Variants in ATF2 observed in about 807,000 individuals in gnomAD.
ATF2 encodes the protein activating transcription factor 2.
A neutral mutation model predicts 60.6 loss-of-function variants in ATF2; 24 were observed. The observed-to-expected ratio is 0.40, with a 90% confidence interval of 0.29 to 0.56. The LOEUF (loss-of-function observed/expected upper bound fraction) is 0.56, where lower values mean the gene tolerates loss of function less well. Ranked by LOEUF, ATF2 falls within the 20% of genes least tolerant of loss-of-function variation. The pLI, the probability that ATF2 is intolerant of heterozygous loss-of-function variation, is 0.54. For synonymous variants in ATF2, 206 were observed against 215.4 expected (o/e 0.96, Z 0.38); for missense variants, 433 against 607.7 (o/e 0.71, Z 3.02).
chr2:175,134,732 C>T (rs1698012014), intron 3 of ATF2, among the ~76,000 whole-genome samples: 1 of 151,810 alleles, frequency 6.6e-6, no homozygotes, highest in Non-Finnish European at 1.5e-5. Context: ...GACTATAATC[C>T]CAGCACTTTG....
At chr2:175,125,900 T>C (rs1337694648) in intron 4 of ATF2, among the ~76,000 whole-genome samples, 1 of 152,138 alleles carries the variant, frequency 6.6e-6, no homozygotes, top group Non-Finnish European at 1.5e-5. Context: ...ATTTTCTGCA[T>C]TGCCAAATAT....
At chr2:175,136,924 T>C (rs924810372) in intron 2 of ATF2, among the ~76,000 whole-genome samples, 3 of 146,494 alleles carry the variant, frequency 2.0e-5, no homozygotes, top group African/African-American at 5.3e-5. Flanking sequence ...CACAATGTAG[T>C]TGATCTATAT....
chr2:175,128,624 T>A (rs542621778), intron 4 of ATF2, among the ~76,000 whole-genome samples: 1 of 152,028 alleles, frequency 6.6e-6, no homozygotes. Flanking sequence ...AATACCTTCA[T>A]AATCTAAAGG....
intron 3 of ATF2, among the ~76,000 whole-genome samples, chr2:175,131,633 T>C (rs1235343946): frequency 1.3e-5 from 2 of 152,214 alleles, no homozygotes; most frequent in Non-Finnish European, 2.9e-5. Flanking sequence ...ATCCTTCTAG[T>C]GCTTCTTAAA....
intron 10 of ATF2, among the ~76,000 whole-genome samples, 185 bp downstream of exon 10, chr2:175,111,383 C>CT (rs1696174084): frequency 6.6e-6 from 1 of 152,152 alleles, no homozygotes; most frequent in African/African-American, 2.4e-5. Context: ...TTTAAAGTAT[C>CT]ACTAACTACT....
At chr2:175,131,810 C>T (rs1227743110) in intron 3 of ATF2, among the ~76,000 whole-genome samples, 1 of 152,154 alleles carries the variant, frequency 6.6e-6, no homozygotes, top group Non-Finnish European at 1.5e-5. Flanking sequence ...AAAATTTAGG[C>T]TCCCAAAGAA....
chr2:175,108,219 G>C (rs1695852158), intron 10 of ATF2, among the ~76,000 whole-genome samples: 1 of 149,864 alleles, frequency 6.7e-6, no homozygotes, highest in South Asian at 2.1e-4. Context: ...CCGCCCGGCA[G>C]CCGCCCCATC....
At chr2:175,104,473 G>C (rs909698323) in intron 10 of ATF2, among the ~76,000 whole-genome samples, 15 of 152,000 alleles carry the variant, frequency 9.9e-5, no homozygotes, top group African/African-American at 3.6e-4. Flanking sequence ...AGGGTGGGGG[G>C]GGCGGTGCGC....
intron 3 of ATF2, among the ~76,000 whole-genome samples, chr2:175,135,206 C>T (rs1197852908): frequency 3.3e-5 from 5 of 151,934 alleles, no homozygotes; most frequent in Non-Finnish European, 5.9e-5. Context: ...ATTTTTAAAA[C>T]CATTAGGAGA....
chr2:175,158,522 T>C (rs1390143748), intron 1 of ATF2, among the ~76,000 whole-genome samples: 3 of 152,150 alleles, frequency 2.0e-5, no homozygotes, highest in Non-Finnish European at 4.4e-5. Flanking sequence ...ATATTTTAAA[T>C]GGATAATTTA....
chr2:175,094,898 G>A (rs12994733), intron 11 of ATF2, among the ~76,000 whole-genome samples: 10,619 of 152,054 alleles, frequency 0.07, 376 homozygotes, highest in East Asian at 0.13. Flanking sequence ...AGCCATGATC[G>A]CACCACTGTA....
chr2:175,089,879 T>C (rs777321407), intron 12 of ATF2, among the ~76,000 whole-genome samples: 1 of 152,220 alleles, frequency 6.6e-6, no homozygotes, highest in South Asian at 2.1e-4. Context: ...ATGCTACCTA[T>C]ACTTACGGAG....
intron 2 of ATF2, among the ~76,000 whole-genome samples, chr2:175,144,608 T>A (rs898945926): frequency 1.3e-5 from 2 of 152,200 alleles, no homozygotes; most frequent in South Asian, 2.1e-4. Flanking sequence ...TCAGACAGGC[T>A]ACCTGAGGGC....
At chr2:175,103,955 T>C (rs1482954153) in intron 10 of ATF2, among the ~76,000 whole-genome samples, 1 of 152,100 alleles carries the variant, frequency 6.6e-6, no homozygotes, top group Non-Finnish European at 1.5e-5. Flanking sequence ...TAGTCTTTCA[T>C]TTTTCGGTCC....
At chr2:175,109,282 G>A (rs1024124063) in intron 10 of ATF2, among the ~76,000 whole-genome samples, 6 of 151,660 alleles carry the variant, frequency 4.0e-5, no homozygotes, top group African/African-American at 1.5e-4. Flanking sequence ...AGAAATTGTG[G>A]TATATTCACA....
chr2:175,088,468 A>G (rs1236734349), intron 12 of ATF2, among the ~76,000 whole-genome samples: 1 of 152,142 alleles, frequency 6.6e-6, no homozygotes. Flanking sequence ...TTAACTTATG[A>G]GTAAATAATT....
intron 10 of ATF2, among the ~76,000 whole-genome samples, chr2:175,108,173 C>G (rs187759347): frequency 0.068 from 10,303 of 152,122 alleles, 353 homozygotes; most frequent in East Asian, 0.12. Context: ...GCGCCTCTGC[C>G]CGGCCGCGAC....
rs1179551865 is a variant in ATF2, at chr2:175,073,879, A to G, written c.*730T>C. On this transcript the variant is annotated 3_prime_UTR_variant, in exon 14 of 14. Transcript: ENST00000264110. ...ATTTTTAGCCTCAAAACATAGGTGT[A>G]AAATATTGAATTTAAGACTTGAAAA... is the stretch of plus-strand genomic sequence containing the variant. The G allele has an allele frequency of 1.3e-5, 2 of 152,170 alleles. No homozygotes were observed. The allele number at this position is 152,170 out of a possible 1,614,324, so 9.4% of individuals were successfully genotyped here. A position where few individuals can be genotyped will look rare whatever the true frequency, so the allele number is the denominator to read the frequency against.
rs1698436401 is a variant in ATF2, at chr2:175,140,636, T to C, written c.-43-4150A>G. 2.6e-5 allele frequency among the ~76,000 whole-genome samples: 4 copies of C among 152,072 alleles called. 1 individual carries two copies. The South Asian group carries it at 8.3e-4, about 32-fold the overall frequency. On this transcript the variant is annotated intron_variant, in intron 2 of 13. Coordinates refer to ENST00000264110, the MANE Select transcript of ATF2 (RefSeq NM_001880.4). ...TACTTTGAATATGTATAATTTATTA[T>C]AAGTCAATTATACCTTAAAAAGCTG...
Sources: gnomAD v4.1 joint callset for allele counts (sites outside exome capture counted in the v4.1 genomes callset) on GRCh38, gnomAD v4.1.1 for gene constraint, MANE v1.5 for transcripts, NCBI Gene and HGNC (gene_info 2026-07-23, HGNC 2026-07-21) for gene names.